The following IQGAP2 variants were observed in gnomAD, a reference collection of about 807,000 sequenced individuals.
IQGAP2 encodes IQ motif containing GTPase activating protein 2.
In IQGAP2, 173 loss-of-function variants were observed where a neutral mutation model predicts 201.3. That is an observed-to-expected ratio of 0.86 (90% CI 0.76 to 0.98). The LOEUF is 0.98. Ranked by LOEUF, IQGAP2 falls within the 50% of genes least tolerant of loss-of-function variation. IQGAP2 has a pLI of 0.00. For missense variants in IQGAP2, 1,687 were observed against 1,864.8 expected, an observed-to-expected ratio of 0.90 and a Z score of 1.76; for synonymous variants, 675 against 673.9, an observed-to-expected ratio of 1.00 and a Z score of -0.03.
intron 2 of IQGAP2, among the ~76,000 whole-genome samples, chr5:76,471,708 T>TA (rs11317899): frequency 2.1e-4 from 31 of 150,786 alleles, no homozygotes; most frequent in Admixed American, 6.6e-4. Flanking sequence ...ATGATTAGTT[T>TA]AAAAAAAAAA....
Position 76,596,211 on chromosome 5 carries a change from G to A in IQGAP2, c.908-1228G>A, listed in dbSNP as rs74342913. Among the ~76,000 whole-genome samples the A allele has an allele frequency of 8.0e-3, 1,224 of 152,308 alleles. 15 individuals carry two copies. Among genetic ancestry groups the A allele is most frequent in the African/African-American group, 0.027 (1,137 of 41,554 alleles). On this transcript the variant is annotated intron_variant, in intron 9 of 35. Coordinates refer to ENST00000274364, the MANE Select transcript of IQGAP2 (RefSeq NM_006633.5). The stretch of plus-strand genomic sequence containing the variant: ...GTCAAAAAGGGTTAGAAGAATCTTA[G>A]CTGCAATCTAGTCACGAATTAGGCA...
At chr5:76,470,720 A>AT (rs1755053590) in intron 2 of IQGAP2, among the ~76,000 whole-genome samples, 1 of 151,924 alleles carries the variant, frequency 6.6e-6, no homozygotes, top group South Asian at 2.1e-4. Flanking sequence ...AACTCCCTTG[A>AT]TTTTTTTTAA....
Position 76,683,199 on chromosome 5 carries a change from A to G in IQGAP2, c.3745A>G (p.Thr1249Ala), listed in dbSNP as rs768487177. ...ELLGSLGEVP[T>A]VESFLGEGAV... is the part of the protein sequence containing the mutation. ...GCTGGGGTCGCTGGGAGAGGTGCCA[A>G]CCGTGGAATCTTTTCTTGGTAAGAG... The change falls in exon 29 of 36, where the codon ACC becomes GCC. Residue 1249 changes from threonine to alanine, a missense_variant. Coordinates refer to ENST00000274364, the MANE Select transcript of IQGAP2 (RefSeq NM_006633.5). 10 of 1,611,368 alleles carry G rather than the reference A, an allele frequency of 6.2e-6. No homozygotes were observed. Among genetic ancestry groups the G allele is most frequent in the Admixed American group, 1.7e-5 (1 of 59,636 alleles).
At chr5:76,648,399 T>C (rs559294788) in intron 17 of IQGAP2, among the ~76,000 whole-genome samples, 3 of 152,268 alleles carry the variant, frequency 2.0e-5, no homozygotes, top group African/African-American at 7.2e-5. Flanking sequence ...AAAAGCCACC[T>C]AAAACAGTAG....
At chr5:76,537,191 TC>T (rs1759675316) in intron 2 of IQGAP2, among the ~76,000 whole-genome samples, 1 of 152,228 alleles carries the variant, frequency 6.6e-6, no homozygotes, top group African/African-American at 2.4e-5. Flanking sequence ...GCATAGTGAT[TC>T]GGCCAATGGA....
At chr5:76,505,927 A>C (rs1160176018) in intron 2 of IQGAP2, among the ~76,000 whole-genome samples, 2 of 152,164 alleles carry the variant, frequency 1.3e-5, no homozygotes, top group African/African-American at 2.4e-5. Flanking sequence ...TACAGGAACT[A>C]TCATTCATTA....
chr5:76,570,965 AG>A (rs1745073383), intron 4 of IQGAP2, among the ~76,000 whole-genome samples: 2 of 152,106 alleles, frequency 1.3e-5, no homozygotes, highest in South Asian at 4.2e-4. Context: ...TTGTACATAA[AG>A]ATTCTAAGTC....
At chr5:76,615,375 C>T (rs1391954002) in intron 13 of IQGAP2, 5 of 152,074 alleles carry the variant, frequency 3.3e-5, no homozygotes, top group South Asian at 4.1e-4. Context: ...TTAGTGTTTA[C>T]CTGAGTTTTG....
intron 1 of IQGAP2, among the ~76,000 whole-genome samples, chr5:76,420,438 T>A (rs1372447435): frequency 6.6e-6 from 1 of 150,696 alleles, no homozygotes; most frequent in African/African-American, 2.4e-5. Flanking sequence ...TGCACTGGCA[T>A]GATCTCGGCT....
chr5:76,657,625 C>T (rs1742868576), intron 20 of IQGAP2, among the ~76,000 whole-genome samples: 1 of 152,200 alleles, frequency 6.6e-6, no homozygotes, highest in Admixed American at 6.5e-5. Context: ...ATTACTGGGT[C>T]TAATCATTCG....
At chr5:76,563,135 T>C (rs979449174) in intron 3 of IQGAP2, among the ~76,000 whole-genome samples, 1 of 152,068 alleles carries the variant, frequency 6.6e-6, no homozygotes, top group Non-Finnish European at 1.5e-5. Context: ...GAGGCCAAGG[T>C]AGGAGGATTG....
intron 10 of IQGAP2, among the ~76,000 whole-genome samples, chr5:76,598,125 A>G (rs1469778012): frequency 6.6e-6 from 1 of 152,198 alleles, no homozygotes; most frequent in Non-Finnish European, 1.5e-5. Flanking sequence ...CAAACAATGA[A>G]ACAAAATGAA....
chr5:76,601,528 A>G (rs1464325641), intron 11 of IQGAP2, among the ~76,000 whole-genome samples: 1 of 152,260 alleles, frequency 6.6e-6, no homozygotes, highest in Admixed American at 6.5e-5. Flanking sequence ...TACAACTGAT[A>G]GCATTGTTAT....
intron 1 of IQGAP2, among the ~76,000 whole-genome samples, chr5:76,405,322 A>G (rs1021547865): frequency 6.6e-6 from 1 of 152,224 alleles, no homozygotes; most frequent in Non-Finnish European, 1.5e-5. Context: ...CCCACTCCAC[A>G]GGGCCGCTTT....
At chr5:76,657,843 G>A (rs1239056381) in intron 20 of IQGAP2, among the ~76,000 whole-genome samples, 1 of 152,166 alleles carries the variant, frequency 6.6e-6, no homozygotes, top group Non-Finnish European at 1.5e-5. Context: ...CCCTCCCTTG[G>A]CCGGTGCTCA....
At chr5:76,648,777 T>C (rs1039817395) in intron 17 of IQGAP2, among the ~76,000 whole-genome samples, 1 of 152,170 alleles carries the variant, frequency 6.6e-6, no homozygotes, top group Non-Finnish European at 1.5e-5. Flanking sequence ...ACCCAATGAA[T>C]AGTCTTTGCA....
chr5:76,633,822 T>G (rs963070665), intron 15 of IQGAP2, among the ~76,000 whole-genome samples: 12 of 152,190 alleles, frequency 7.9e-5, no homozygotes, highest in African/African-American at 2.9e-4. Flanking sequence ...TTACCTAGCA[T>G]AATATTTTCA....
intron 34 of IQGAP2, 50 bp from the exon 35 acceptor site, chr5:76,702,432 G>A (rs1444790484): frequency 5.9e-6 from 5 of 847,592 alleles, no homozygotes; most frequent in Non-Finnish European, 1.0e-5. Context: ...TCAGCTTTAA[G>A]CACATCTGTA....
chr5:76,600,819 T>C lies in IQGAP2; in HGVS notation c.1079T>C (p.Leu360Ser). ...NLQKQNTMNY[L>S]AHEELLIAVE... is the part of the protein sequence containing the mutation. ...CCATATGTTTTCCAACAGAACTACT[T>C]GGCCCACGAGGAGCTTTTGATTGCT... Residue 360 changes from leucine to serine, a missense_variant, in exon 11 of 36, where the codon TTG becomes TCG. Transcript: ENST00000274364. The C allele has an allele frequency of 6.2e-7, 1 of 1,614,102 alleles. No individual in the cohort carries two copies. Among genetic ancestry groups the C allele is most frequent in the South Asian group, 1.1e-5 (1 of 91,080 alleles).
Sources: gnomAD v4.1 joint callset for allele counts (sites outside exome capture counted in the v4.1 genomes callset) on GRCh38, gnomAD v4.1.1 for gene constraint, MANE v1.5 for transcripts, NCBI Gene and HGNC (gene_info 2026-07-23, HGNC 2026-07-21) for gene names.